C2CD3: variants seen among roughly 807,000 people sequenced by gnomAD.
The protein encoded by C2CD3 is C2 domain-containing protein 3.
Under a neutral mutation model 234.0 loss-of-function variants are expected in C2CD3, and 148 were observed. That is an observed-to-expected ratio of 0.63 (90% CI 0.55 to 0.72). The LOEUF (loss-of-function observed/expected upper bound fraction) is 0.72. C2CD3 is among the 30% of genes least tolerant of loss of function. C2CD3 has a pLI of 0.00. For synonymous variants in C2CD3, 1,000 were observed against 1,035.4 expected, an observed-to-expected ratio of 0.97 and a Z score of 0.66; for missense variants, 2,577 against 2,811.5, an observed-to-expected ratio of 0.92 and a Z score of 1.89.
chr11:74,061,359 T>A (rs532410790), intron 24 of C2CD3, among the ~76,000 whole-genome samples: 1 of 152,110 alleles, frequency 6.6e-6, no homozygotes, highest in Non-Finnish European at 1.5e-5. Context: ...GGAAAAAATG[T>A]TAAGGGCAGC....
intron 24 of C2CD3, among the ~76,000 whole-genome samples, chr11:74,071,247 C>T (rs918527037): frequency 6.6e-6 from 1 of 152,144 alleles, no homozygotes; most frequent in Non-Finnish European, 1.5e-5. Context: ...GAGTTGCAGA[C>T]CTGTAAATCA....
chr11:74,132,811 T>C (rs1370027695), intron 7 of C2CD3, 33 bp downstream of exon 7: 1 of 1,603,876 alleles, frequency 6.2e-7, no homozygotes, highest in Non-Finnish European at 8.5e-7. Context: ...GAGGAAGAGT[T>C]TAAAAGGAAG....
chr11:74,014,671 T>C (rs544180918), intron 32 of C2CD3, among the ~76,000 whole-genome samples: 1 of 152,368 alleles, frequency 6.6e-6, no homozygotes, highest in Admixed American at 6.5e-5. Flanking sequence ...CGTTTTAGGC[T>C]TTCTCAGCTC....
intron 30 of C2CD3, among the ~76,000 whole-genome samples, chr11:74,035,141 A>G (rs1198227749): frequency 1.3e-5 from 2 of 152,184 alleles, no homozygotes; most frequent in Non-Finnish European, 2.9e-5. Context: ...CATCTCCCTC[A>G]CAGCACCTAA....
chr11:74,103,749 A>T, intron 13 of C2CD3, 124 bp from the exon 14 acceptor site: 2 of 747,478 alleles, frequency 2.7e-6, no homozygotes. Context: ...ACACTCTAAT[A>T]GTAAGAATAT....
At chr11:74,093,721 C>T (rs2135485072) in intron 18 of C2CD3, 95 bp downstream of exon 18, 2 of 934,174 alleles carry the variant, frequency 2.1e-6, no homozygotes, top group Admixed American at 2.8e-5. Flanking sequence ...TGCTTAGCTT[C>T]CTTACAATAA....
intron 24 of C2CD3, among the ~76,000 whole-genome samples, chr11:74,064,490 T>C (rs1310711357): frequency 1.3e-5 from 2 of 152,146 alleles, no homozygotes; most frequent in East Asian, 1.9e-4. Context: ...AAAATGGCCA[T>C]ACTGCCCAAG....
At chr11:74,042,869 A>G (rs1264776148) in intron 28 of C2CD3, among the ~76,000 whole-genome samples, 1 of 152,218 alleles carries the variant, frequency 6.6e-6, no homozygotes, top group East Asian at 1.9e-4. Context: ...TGCTGTAAGC[A>G]TTCAACATAT....
At chr11:74,158,344 AT>A (rs967616243) in intron 3 of C2CD3, among the ~76,000 whole-genome samples, 6 of 151,964 alleles carry the variant, frequency 3.9e-5, no homozygotes, top group Admixed American at 6.5e-5. Context: ...GCAACAAAAC[AT>A]TTTTTTAATT....
intron 3 of C2CD3, among the ~76,000 whole-genome samples, chr11:74,148,246 T>G (rs1434261522): frequency 1.3e-5 from 2 of 152,128 alleles, no homozygotes; most frequent in Admixed American, 6.5e-5. Flanking sequence ...TATTTAATAC[T>G]TGGTACTAAC....
intron 24 of C2CD3, among the ~76,000 whole-genome samples, chr11:74,060,460 A>G (rs974860958): frequency 2.0e-5 from 3 of 152,228 alleles, no homozygotes; most frequent in African/African-American, 7.2e-5. Flanking sequence ...CTGTTCTGCA[A>G]TATTTGCTGT....
intron 29 of C2CD3, among the ~76,000 whole-genome samples, chr11:74,039,775 A>T (rs1298432529): frequency 6.6e-6 from 1 of 152,214 alleles, no homozygotes; most frequent in Admixed American, 6.5e-5. Flanking sequence ...ACTGACCCTC[A>T]AAACAAAATA....
chr11:74,082,697 C>G (rs921161131), intron 22 of C2CD3, among the ~76,000 whole-genome samples: 2 of 151,892 alleles, frequency 1.3e-5, no homozygotes, highest in Admixed American at 6.6e-5. Context: ...TGTCCCTCCC[C>G]CAAAGGGAAT....
Position 74,054,047 on chromosome 11 carries a change from T to G in C2CD3, c.5155+560A>C, listed in dbSNP as rs1017308884. On this transcript the variant is annotated intron_variant, in intron 26 of 32. Transcript: ENST00000334126. ...CAGCACTTTGGGAGGCCGAGGCGGG[T>G]GGATCACGAGGTCAGGAGATCGAGA... Among the ~76,000 whole-genome samples the G allele has an allele frequency of 6.5e-4, 99 of 151,840 alleles. 1 individual carries two copies. Among genetic ancestry groups the G allele is most frequent in the African/African-American group, 2.2e-3 (89 of 41,388 alleles).
Position 74,078,457 on chromosome 11 carries a change from C to T in C2CD3, c.4261G>A (p.Val1421Met). ...ATGTGGTTGTGGCCAGCAAGCAGCA[C>T]ACAATGGATGGGCAGCCACAGCCTT... ...TPRLWLPIHC[V>M]LLAGHNHIHK... The change falls in exon 23 of 33, where the codon GTG becomes ATG. Residue 1421 changes from valine (V) to methionine (M), a missense_variant. By Grantham distance (21) the Val-to-Met change is conservative (BLOSUM62 1). Transcript: ENST00000334126. The T allele has an allele frequency of 6.2e-7, 1 of 1,614,204 alleles. No individual in the cohort carries two copies. Among genetic ancestry groups the T allele is most frequent in the Non-Finnish European group, 8.5e-7 (1 of 1,180,044 alleles).
At chr11:74,064,167 G>A (rs1026869310) in intron 24 of C2CD3, among the ~76,000 whole-genome samples, 3 of 151,670 alleles carry the variant, frequency 2.0e-5, no homozygotes, top group Admixed American at 1.3e-4. Context: ...TTGTCCTTGC[G>A]ATAGTTTGCT....
At chr11:74,130,300 A>G (rs1052580980) in intron 7 of C2CD3, among the ~76,000 whole-genome samples, 2 of 150,472 alleles carry the variant, frequency 1.3e-5, no homozygotes, top group African/African-American at 4.9e-5. Context: ...ATCCTAGCTC[A>G]TTGTATCCTT....
At chr11:74,110,317 T>A (rs974128740) in intron 11 of C2CD3, among the ~76,000 whole-genome samples, 1 of 152,196 alleles carries the variant, frequency 6.6e-6, no homozygotes, top group Non-Finnish European at 1.5e-5. Context: ...AATCTGCTAT[T>A]TCTAGCATTC....
At chr11:74,018,526 C>T (rs886352158) in intron 32 of C2CD3, among the ~76,000 whole-genome samples, 5 of 152,258 alleles carry the variant, frequency 3.3e-5, no homozygotes, top group East Asian at 3.9e-4. Context: ...AGTAAACAGC[C>T]GCCTGGGTCT....
Sources: allele counts gnomAD v4.1 joint callset (sites outside exome capture counted in the v4.1 genomes callset), GRCh38; gene constraint gnomAD v4.1.1; transcripts MANE v1.5; gene names NCBI Gene and HGNC (gene_info 2026-07-23, HGNC 2026-07-21).